P3H2: variants seen among roughly 807,000 people sequenced by gnomAD.
P3H2 encodes leprecan-like 1.
P3H2 carries 80 observed loss-of-function variants against 87.0 expected under a neutral mutation model. The observed-to-expected ratio is 0.92, with a 90% confidence interval of 0.77 to 1.11. The LOEUF (loss-of-function observed/expected upper bound fraction) is 1.11, where lower values mean the gene tolerates loss of function less well. Ranked by LOEUF, P3H2 falls within the 50% of genes least tolerant of loss-of-function variation. The pLI, the probability that P3H2 is intolerant of heterozygous loss-of-function variation, is 0.00. For missense variants in P3H2, 1,001 were observed against 923.9 expected, an observed-to-expected ratio of 1.08 and a Z score of -1.08; for synonymous variants, 367 against 359.3, an observed-to-expected ratio of 1.02 and a Z score of -0.24.
intron 13 of P3H2, chr3:189,969,635 G>A (rs573524396): frequency 2.0e-5 from 24 of 1,181,332 alleles, no homozygotes; most frequent in African/African-American, 9.0e-5. Flanking sequence ...CCAGATGGTC[G>A]CCTGGTAGTT....
intron 8 of P3H2, among the ~76,000 whole-genome samples, chr3:189,978,437 G>T (rs1395879607): frequency 1.3e-5 from 2 of 152,120 alleles, no homozygotes; most frequent in Non-Finnish European, 2.9e-5. Context: ...TAAGCATAGA[G>T]CCTTAAGAGA....
At chr3:189,988,842 A>T in intron 4 of P3H2, 65 bp downstream of exon 4, 1 of 1,593,670 alleles carries the variant, frequency 6.3e-7, no homozygotes, top group Non-Finnish European at 8.6e-7. Context: ...AATTACAAAA[A>T]TGTGATGTCT....
intron 1 of P3H2, among the ~76,000 whole-genome samples, chr3:190,029,720 G>T (rs1672233056): frequency 6.6e-6 from 1 of 152,082 alleles, no homozygotes; most frequent in South Asian, 2.1e-4. Context: ...TAATTTGCTG[G>T]CCAGGCACGG....
At chr3:190,054,052 T>C (rs1014767873) in intron 1 of P3H2, among the ~76,000 whole-genome samples, 1 of 152,194 alleles carries the variant, frequency 6.6e-6, no homozygotes, top group Non-Finnish European at 1.5e-5. Context: ...TGGCCATATA[T>C]GCAGGGGCTT....
At chr3:190,029,043 TA>T (rs1725172987) in intron 1 of P3H2, among the ~76,000 whole-genome samples, 1 of 152,208 alleles carries the variant, frequency 6.6e-6, no homozygotes, top group Non-Finnish European at 1.5e-5. Flanking sequence ...TTACATGACT[TA>T]AAGAAAAATT....
At chr3:190,010,449 G>C (rs1486321025) in intron 1 of P3H2, among the ~76,000 whole-genome samples, 1 of 152,160 alleles carries the variant, frequency 6.6e-6, no homozygotes, top group Non-Finnish European at 1.5e-5. Context: ...AGGCCATAAG[G>C]GTGGGCCCTA....
At chr3:190,109,162 T>C (rs908413347) in intron 1 of P3H2, among the ~76,000 whole-genome samples, 3 of 152,248 alleles carry the variant, frequency 2.0e-5, no homozygotes, top group African/African-American at 7.2e-5. Context: ...TGAGACTCTT[T>C]TCATGCCTGA....
rs79721385 is a variant in P3H2 at position 190,054,597 on chromosome 3, T to C, written c.481-59155A>G. On this transcript the variant is annotated intron_variant, in intron 1 of 14. Transcript: ENST00000319332. ...GAGATGCCAGTATCACTCCCTCCAC[T>C]ACTCCAGGCAGCTCATTTATCTATG... 0.013 allele frequency among the ~76,000 whole-genome samples: 1,927 copies of C among 152,262 alleles called. 91 individuals carry two copies. The East Asian group carries it at 0.18, about 14-fold the overall frequency.
intron 1 of P3H2, among the ~76,000 whole-genome samples, chr3:190,001,302 T>G (rs1468974662): frequency 6.6e-6 from 1 of 152,228 alleles, no homozygotes; most frequent in Non-Finnish European, 1.5e-5. Flanking sequence ...AATACCACTA[T>G]GTACTTCTCA....
intron 8 of P3H2, among the ~76,000 whole-genome samples, chr3:189,977,929 C>T (rs1412352021): frequency 1.3e-5 from 2 of 152,040 alleles, no homozygotes; most frequent in East Asian, 1.9e-4. Context: ...TTTAAAAATC[C>T]CCCCTAAACG....
rs565859448 is a variant in P3H2, at chr3:190,034,607, G to A, written c.481-39165C>T. Among the ~76,000 whole-genome samples the A allele has an allele frequency of 2.1e-4, 32 of 151,998 alleles. No individual in the cohort carries two copies. In the East Asian group the frequency reaches 5.2e-3, roughly 25 times the overall value. On this transcript the variant is annotated intron_variant, in intron 1 of 14. Transcript: ENST00000319332. ...TTGAGGAAGAAAGAACAAACAAATG[G>A]TTGTCACAGATTGGGAAGGAGGGAG...
intron 13 of P3H2, chr3:189,969,661 G>T (rs1186516171): frequency 1.6e-6 from 2 of 1,217,930 alleles, no homozygotes; most frequent in East Asian, 4.6e-5. Flanking sequence ...TGGAAGCCAG[G>T]ATGGTGTGCT....
chr3:190,051,126 A>C (rs1725968012), intron 1 of P3H2, among the ~76,000 whole-genome samples: 1 of 152,202 alleles, frequency 6.6e-6, no homozygotes, highest in Non-Finnish European at 1.5e-5. Flanking sequence ...ATAAGTTAGA[A>C]TCAATAATGC....
intron 1 of P3H2, among the ~76,000 whole-genome samples, chr3:190,062,411 G>T (rs1213473951): frequency 6.6e-6 from 1 of 152,064 alleles, no homozygotes; most frequent in African/African-American, 2.4e-5. Context: ...TCCTTGCACA[G>T]AATATCCCCA....
chr3:190,020,700 A>AT (rs1724907190), intron 1 of P3H2, among the ~76,000 whole-genome samples: 1 of 133,074 alleles, frequency 7.5e-6, no homozygotes, highest in African/African-American at 2.6e-5. Context: ...GGGTGTGGTG[A>AT]TTTTTCCTAT....
At chr3:190,045,631 T>C (rs2087615361) in intron 1 of P3H2, among the ~76,000 whole-genome samples, 1 of 152,128 alleles carries the variant, frequency 6.6e-6, no homozygotes, top group African/African-American at 2.4e-5. Flanking sequence ...TTGGAGGTAT[T>C]TTTGTAAATA....
chr3:190,052,999 T>C (rs1275506683), intron 1 of P3H2, among the ~76,000 whole-genome samples: 1 of 152,178 alleles, frequency 6.6e-6, no homozygotes, highest in Non-Finnish European at 1.5e-5. Context: ...AAAAGAAAAA[T>C]ACAGCAAATC....
At chr3:190,035,041 G>A (rs1224568156) in intron 1 of P3H2, among the ~76,000 whole-genome samples, 3 of 151,706 alleles carry the variant, frequency 2.0e-5, no homozygotes, top group Admixed American at 6.6e-5. Flanking sequence ...TAGAGACAGT[G>A]TTTCACCGTA....
chr3:190,089,859 T>C (rs149540883), intron 1 of P3H2, among the ~76,000 whole-genome samples: 2 of 152,258 alleles, frequency 1.3e-5, no homozygotes, highest in African/African-American at 4.8e-5. Flanking sequence ...CAATTGGGGT[T>C]TTTGATCCCA....
Sources: allele counts gnomAD v4.1 joint callset (sites outside exome capture counted in the v4.1 genomes callset), GRCh38; gene constraint gnomAD v4.1.1; transcripts MANE v1.5; gene names NCBI Gene and HGNC (gene_info 2026-07-23, HGNC 2026-07-21).